The following KIAA0825 variants were observed in gnomAD, a reference collection of about 807,000 sequenced individuals.
The protein encoded by KIAA0825 is KIAA0825.
A neutral mutation model predicts 147.6 loss-of-function variants in KIAA0825; 119 were observed. The ratio of observed to expected loss-of-function variants is 0.81; its 90% CI spans 0.69 to 0.94. The LOEUF is 0.94. Among genes scored for constraint, KIAA0825 ranks in the 40% least tolerant of loss-of-function variants. KIAA0825 has a pLI of 0.00. For synonymous variants in KIAA0825, 470 were observed against 518.1 expected (o/e 0.91, Z 1.26); for missense variants, 1,381 against 1,472.7 (o/e 0.94, Z 1.02).
intron 14 of KIAA0825, among the ~76,000 whole-genome samples, chr5:94,438,498 T>G (rs1756657048): frequency 6.6e-6 from 1 of 152,110 alleles, no homozygotes; most frequent in Non-Finnish European, 1.5e-5. Flanking sequence ...ACAGTACTGC[T>G]TGGGAGCTAA....
intron 20 of KIAA0825, among the ~76,000 whole-genome samples, chr5:94,272,155 G>C (rs1316493928): frequency 6.8e-6 from 1 of 146,246 alleles, no homozygotes; most frequent in Non-Finnish European, 1.5e-5. Context: ...AACTCATGGA[G>C]ATAGAGTAGA....
intron 20 of KIAA0825, among the ~76,000 whole-genome samples, chr5:94,167,414 C>T (rs1768149250): frequency 6.6e-6 from 1 of 152,086 alleles, no homozygotes; most frequent in African/African-American, 2.4e-5. Flanking sequence ...TGTACTGAAT[C>T]TCTAAAGTAG....
intron 6 of KIAA0825, among the ~76,000 whole-genome samples, chr5:94,477,592 T>C (rs1435488914): frequency 6.6e-6 from 1 of 152,104 alleles, no homozygotes; most frequent in Non-Finnish European, 1.5e-5. Context: ...ATTTAAAAAG[T>C]TAATTCTAAA....
intron 2 of KIAA0825, among the ~76,000 whole-genome samples, chr5:94,550,104 G>A (rs1368858371): frequency 6.6e-6 from 1 of 152,080 alleles, no homozygotes; most frequent in East Asian, 1.9e-4. Context: ...CAACAACATG[G>A]ATGAAACTGG....
At chr5:94,458,871 T>C (rs1759466746) in intron 12 of KIAA0825, among the ~76,000 whole-genome samples, 1 of 152,098 alleles carries the variant, frequency 6.6e-6, no homozygotes, top group Non-Finnish European at 1.5e-5. Context: ...AAGTATACAA[T>C]TAGATGGTTT....
At position 94,153,989 on chromosome 5, in the gene KIAA0825, G is replaced by A; in HGVS notation, c.*18C>T. 6.7e-7 allele frequency: 1 copy of A among 1,490,668 alleles called. No homozygotes were observed. The allele number at this position is 1,490,668 out of a possible 1,614,324, so 92.3% of individuals were successfully genotyped here. On this transcript the variant is annotated 3_prime_UTR_variant, in exon 21 of 21. Transcript: ENST00000682413. ...TGGGATTGTTTCCTAAAATAAAGCTGTTGCTGTTTTCTGCAGATTACTGTT... is the reference window on the plus strand; with the variant it reads ...TGGGATTGTTTCCTAAAATAAAGCTATTGCTGTTTTCTGCAGATTACTGTT...
intron 20 of KIAA0825, among the ~76,000 whole-genome samples, chr5:94,378,645 T>C (rs1319317677): frequency 1.3e-5 from 2 of 152,258 alleles, no homozygotes; most frequent in African/African-American, 2.4e-5. Context: ...CTGAATTGAA[T>C]GGTAATTCTG....
chr5:94,532,490 C>A lies in KIAA0825; in HGVS notation c.131+4506G>T, dbSNP rs1771002034. Among the ~76,000 whole-genome samples the A allele has an allele frequency of 2.6e-5, 4 of 151,824 alleles. No homozygotes were observed. The South Asian group carries it at 8.3e-4, about 32-fold the overall frequency. ...TTGCTCCTTCCTTCCTCCCTTCCTC[C>A]ATTTCCTCCCTCCCTCTTTCCTTTT... On this transcript the variant is annotated intron_variant, in intron 3 of 20. Coordinates refer to ENST00000682413, the MANE Select transcript of KIAA0825 (RefSeq NM_001145678.3).
At chr5:94,458,691 T>C (rs1394831938) in intron 12 of KIAA0825, among the ~76,000 whole-genome samples, 1 of 151,904 alleles carries the variant, frequency 6.6e-6, no homozygotes, top group Admixed American at 6.6e-5. Context: ...CTAAACAAAA[T>C]GGCTAAGGCA....
intron 15 of KIAA0825, chr5:94,414,486 T>C (rs1753182845): frequency 6.6e-6 from 1 of 152,186 alleles, no homozygotes; most frequent in African/African-American, 2.4e-5. Context: ...CTTAATTATT[T>C]GTTGTACTTA....
intron 2 of KIAA0825, among the ~76,000 whole-genome samples, chr5:94,546,677 G>A (rs757624927): frequency 1.8e-4 from 28 of 151,552 alleles, no homozygotes; most frequent in Admixed American, 2.0e-4. Flanking sequence ...GTGTAACTGG[G>A]CATGGGGCCC....
chr5:94,591,187 G>A (rs556721559), intron 1 of KIAA0825, among the ~76,000 whole-genome samples: 5 of 152,220 alleles, frequency 3.3e-5, no homozygotes, highest in African/African-American at 1.2e-4. Context: ...AGAAGAAACA[G>A]AATAGAAAAA....
chr5:94,514,901 T>C (rs1411897582), intron 5 of KIAA0825, among the ~76,000 whole-genome samples: 1 of 151,942 alleles, frequency 6.6e-6, no homozygotes, highest in Non-Finnish European at 1.5e-5. Context: ...CAAGGGACTA[T>C]GAAAAAAAAG....
chr5:94,580,242 A>T (rs947105965), intron 2 of KIAA0825, among the ~76,000 whole-genome samples: 1 of 152,196 alleles, frequency 6.6e-6, no homozygotes. Context: ...CAAGAAGAAG[A>T]TGAGAGCTAG....
At chr5:94,261,565 T>A (rs1214216673) in intron 20 of KIAA0825, among the ~76,000 whole-genome samples, 1 of 152,146 alleles carries the variant, frequency 6.6e-6, no homozygotes, top group East Asian at 1.9e-4. Flanking sequence ...AAACTGATAA[T>A]GGTCACCTTT....
At chr5:94,358,330 G>C (rs529415472) in intron 20 of KIAA0825, among the ~76,000 whole-genome samples, 1 of 152,192 alleles carries the variant, frequency 6.6e-6, no homozygotes, top group Admixed American at 6.5e-5. Flanking sequence ...ACAGGGAACT[G>C]AAAGAGAGGA....
At chr5:94,486,572 A>G (rs901927040) in intron 5 of KIAA0825, among the ~76,000 whole-genome samples, 1 of 152,140 alleles carries the variant, frequency 6.6e-6, no homozygotes, top group African/African-American at 2.4e-5. Context: ...AAGTAAATAC[A>G]AAAACTCTGT....
chr5:94,285,674 T>C (rs1229630951), intron 20 of KIAA0825, among the ~76,000 whole-genome samples: 1 of 152,180 alleles, frequency 6.6e-6, no homozygotes, highest in Non-Finnish European at 1.5e-5. Context: ...TCAGCAGGTT[T>C]ACACTTCCTT....
intron 20 of KIAA0825, among the ~76,000 whole-genome samples, chr5:94,172,987 T>C (rs1406992089): frequency 6.6e-6 from 1 of 152,226 alleles, no homozygotes; most frequent in Non-Finnish European, 1.5e-5. Context: ...GGTATTTTAC[T>C]GTCCCTCATA....
Sources: gnomAD v4.1 joint callset for allele counts (sites outside exome capture counted in the v4.1 genomes callset) on GRCh38, gnomAD v4.1.1 for gene constraint, MANE v1.5 for transcripts, NCBI Gene and HGNC (gene_info 2026-07-23, HGNC 2026-07-21) for gene names.